The following VPS13D variants were observed in gnomAD, a reference collection of about 807,000 sequenced individuals.
VPS13D encodes the protein intermembrane lipid transfer protein VPS13D.
A neutral mutation model predicts 461.9 loss-of-function variants in VPS13D; 187 were observed. The ratio of observed to expected loss-of-function variants is 0.40; its 90% confidence interval spans 0.36 to 0.46. The LOEUF (loss-of-function observed/expected upper bound fraction) is 0.46. Among genes scored for constraint, VPS13D ranks in the 20% least tolerant of loss-of-function variants. VPS13D has a pLI of 0.60. For synonymous variants in VPS13D, 1,951 were observed against 1,986.3 expected (o/e 0.98, Z 0.47); for missense variants, 4,711 against 5,364.9 (o/e 0.88, Z 3.81).
At chr1:12,269,922 G>A (rs1313088793) in intron 16 of VPS13D, among the ~76,000 whole-genome samples, 1 of 152,028 alleles carries the variant, frequency 6.6e-6, no homozygotes, top group East Asian at 1.9e-4. Flanking sequence ...CGAGGCTGGG[G>A]GATTGCTTGA....
chr1:12,470,625 T>C (rs138592523), intron 67 of VPS13D, among the ~76,000 whole-genome samples: 199 of 152,332 alleles, frequency 1.3e-3, no homozygotes, highest in African/African-American at 4.6e-3. Flanking sequence ...TATTAAATAC[T>C]GGGAATATTT....
chr1:12,503,996 G>C (rs1429091576), intron 68 of VPS13D, among the ~76,000 whole-genome samples: 1 of 152,128 alleles, frequency 6.6e-6, no homozygotes, highest in East Asian at 1.9e-4. Context: ...GGAGGGCGGG[G>C]AGCGTGCCGC....
At chr1:12,308,768 C>T (rs1270913764) in intron 27 of VPS13D, 127 bp downstream of exon 27, 5 of 865,398 alleles carry the variant, frequency 5.8e-6, no homozygotes, top group Non-Finnish European at 8.8e-6. Flanking sequence ...TCCTCAGCCT[C>T]AGCCTCCCAA....
chr1:12,423,200 C>G (rs1490229365), intron 65 of VPS13D, among the ~76,000 whole-genome samples: 2 of 152,086 alleles, frequency 1.3e-5, no homozygotes, highest in African/African-American at 4.8e-5. Context: ...ATTTTCAGCC[C>G]CATTATGTAA....
chr1:12,304,772 T>A, intron 26 of VPS13D, 44 bp downstream of exon 26: 1 of 1,597,858 alleles, frequency 6.3e-7, no homozygotes, highest in Admixed American at 1.7e-5. Flanking sequence ...GTGGGGAAAT[T>A]CACAGGACTG....
At chr1:12,231,894 A>C (rs1639986520) in intron 1 of VPS13D, among the ~76,000 whole-genome samples, 1 of 152,174 alleles carries the variant, frequency 6.6e-6, no homozygotes, top group Admixed American at 6.5e-5. Flanking sequence ...AGGCAGAGGT[A>C]GGAGAATCGC....
intron 65 of VPS13D, among the ~76,000 whole-genome samples, chr1:12,443,627 T>G (rs1044183965): frequency 6.6e-6 from 1 of 152,184 alleles, no homozygotes; most frequent in Non-Finnish European, 1.5e-5. Context: ...GTTATTGTCA[T>G]GTATTTTAGT....
rs1030735876 is a variant in VPS13D, at chr1:12,502,123, G to C, written c.12794+4492G>C. On this transcript the variant is annotated intron_variant, in intron 68 of 69. Transcript: ENST00000620676. This position sits in a 1 kb window ranked among gnomAD's most constrained non-coding sequence, Gnocchi z 4.3. ...GGTGGGAGTGAGATTGTGAGGAAGA[G>C]GATCCCACTCAAAATTCGTCATGAA... 2.0e-5 allele frequency among the ~76,000 whole-genome samples: 3 copies of C among 152,160 alleles called. No individual in the cohort carries two copies. The highest frequency in any genetic ancestry group is 2.0e-4 in the Admixed American group (3 of 15,278).
At chr1:12,426,043 C>G (rs2100278262) in intron 65 of VPS13D, among the ~76,000 whole-genome samples, 1 of 152,332 alleles carries the variant, frequency 6.6e-6, no homozygotes, top group African/African-American at 2.4e-5. Flanking sequence ...ACTGTAATTT[C>G]TAAGTTTTCC....
Position 12,427,920 on chromosome 1 carries a change from C to T in VPS13D, c.12333+11093C>T, listed in dbSNP as rs186518129. 2.1e-4 allele frequency among the ~76,000 whole-genome samples: 32 copies of T among 152,338 alleles called. No homozygotes were observed. In the East Asian group the frequency reaches 3.3e-3, roughly 16 times the overall value. ...GAGGTGGAGAAAAATGTATCTTTCC[C>T]TCTTAGAGGCTTGTTGCACTGTTCA... On this transcript the variant is annotated intron_variant, in intron 65 of 69. Coordinates refer to ENST00000620676, the MANE Select transcript of VPS13D (RefSeq NM_015378.4).
At chr1:12,371,547 C>T (rs1011544367) in intron 54 of VPS13D, among the ~76,000 whole-genome samples, 4 of 151,956 alleles carry the variant, frequency 2.6e-5, no homozygotes, top group African/African-American at 7.3e-5. Flanking sequence ...CATGCCACCA[C>T]GCCTGGCTGA....
chr1:12,277,343 G>T lies in VPS13D; in HGVS notation c.3755G>T (p.Gly1252Val), dbSNP rs1641644194. The T allele has an allele frequency of 6.2e-7, 1 of 1,614,066 alleles. No homozygotes were observed. The highest frequency in any genetic ancestry group is 8.5e-7 in the Non-Finnish European group (1 of 1,180,032). ...TATGAAAATATCATCAGTGATATTG[G>T]CTACTTTGAATCTGTGTTTGTCAGA... ...VGYENIISDI[G>V]YFESVFVRME... The change falls in exon 19 of 70, where the codon GGC (glycine) becomes GTC (valine). Residue 1252 changes from glycine (G) to valine (V), a missense_variant. Around this residue, in one of 3 missense-constraint regions of VPS13D, gnomAD observed 4,411 missense variants for 4,937.8 expected, o/e 0.89. Transcript: ENST00000620676.
intron 40 of VPS13D, among the ~76,000 whole-genome samples, chr1:12,338,592 T>C (rs1643501184): frequency 6.6e-6 from 1 of 152,188 alleles, no homozygotes. Context: ...AGGTGATTTC[T>C]CATATTGAAG....
At chr1:12,252,062 A>G (rs948692462) in intron 6 of VPS13D, among the ~76,000 whole-genome samples, 5 of 152,060 alleles carry the variant, frequency 3.3e-5, no homozygotes, top group African/African-American at 9.7e-5. Context: ...CTCCGTCTTC[A>G]TGTGGCCTTC....
In VPS13D at chr1:12,282,697, C is replaced by T. The variant is rs1184936423; in HGVS notation, c.4603-8C>T. 6.3e-7 allele frequency: 1 copy of T among 1,587,450 alleles called. No homozygotes were observed. The highest frequency in any genetic ancestry group is 2.3e-5 in the East Asian group (1 of 44,444). On this transcript the variant is annotated splice_polypyrimidine_tract_variant and splice_region_variant and intron_variant, in intron 20 of 69. Transcript: ENST00000620676. ...AAGAGTAACTGAATTTTTCTCTTTT[C>T]AATACAGGTGGTGTTAGCAAAGCAT...
In VPS13D at chr1:12,279,414, G is replaced by A. The variant is rs2101370794; in HGVS notation, c.4451-85G>A. On this transcript the variant is annotated intron_variant, in intron 19 of 69. Transcript: ENST00000620676. This position sits in a 1 kb window ranked among gnomAD's most constrained non-coding sequence, Gnocchi z 4.3. ...CTGGTCTAAGTGTAACTCATGGGCTGTATTTTGTATATTCTACGTTTAATC... is the reference window on the plus strand; with the variant it reads ...CTGGTCTAAGTGTAACTCATGGGCTATATTTTGTATATTCTACGTTTAATC... The A allele has an allele frequency of 7.0e-7, 1 of 1,425,394 alleles. No individual in the cohort carries two copies. Among genetic ancestry groups the A allele is most frequent in the Middle Eastern group, 2.0e-4 (1 of 4,906 alleles). The allele number at this position is 1,425,394 out of a possible 1,614,324, so 88.3% of individuals were successfully genotyped here.
chr1:12,368,366 G>A (rs916938831), intron 52 of VPS13D, 102 bp from the exon 53 acceptor site: 2 of 1,394,140 alleles, frequency 1.4e-6, no homozygotes, highest in East Asian at 2.4e-5. Flanking sequence ...GGTATTGACT[G>A]AGGCCCAAAC....
chr1:12,326,646 ATT>A, intron 35 of VPS13D, among the ~76,000 whole-genome samples: 1 of 141,790 alleles, frequency 7.1e-6, no homozygotes, highest in Admixed American at 7.0e-5. Context: ...CTGTTTGGTA[ATT>A]TTTTTTTTTT....
intron 47 of VPS13D, among the ~76,000 whole-genome samples, chr1:12,355,411 G>A (rs1247130893): frequency 6.6e-6 from 1 of 152,178 alleles, no homozygotes; most frequent in Non-Finnish European, 1.5e-5. Context: ...TATTTCATAA[G>A]AGCTAGAAGA....
Sources: gnomAD v4.1 joint callset for allele counts (sites outside exome capture counted in the v4.1 genomes callset) on GRCh38, gnomAD v4.1.1 for gene constraint, gnomAD v4.1.1 regional missense constraint, Gnocchi (gnomAD v3.1) non-coding constraint, MANE v1.5 for transcripts, NCBI Gene and HGNC (gene_info 2026-07-23, HGNC 2026-07-21) for gene names.